The following DCAF8L2 variants were observed in gnomAD, a reference collection of about 807,000 sequenced individuals.
The protein encoded by DCAF8L2 is DDB1 and CUL4 associated factor 8 like 2, also known as DDB1- and CUL4-associated factor 8-like protein 2.
For missense variants in DCAF8L2, 430 were observed against 490.7 expected, an observed-to-expected ratio of 0.88 and a Z score of 1.17; for synonymous variants, 200 against 190.9, an observed-to-expected ratio of 1.05 and a Z score of -0.39.
At chrX:27,572,062 G>A in the DCAF8L2 span, among the ~76,000 whole-genome samples, 1 of 112,139 alleles carries the variant, frequency 8.9e-6, no homozygotes, top group African/African-American at 3.2e-5. Context: ...CACTAGTTGT[G>A]TAATTATTTT....
intron 3 of DCAF8L2, among the ~76,000 whole-genome samples, chrX:27,714,987 G>A (rs755689323): frequency 8.9e-6 from 1 of 111,769 alleles, no homozygotes; most frequent in South Asian, 3.7e-4. Flanking sequence ...TCACCTGTGT[G>A]TTGAGGACTT....
At chrX:27,663,004 A>G (rs1278028106) in intron 2 of DCAF8L2, among the ~76,000 whole-genome samples, 1 of 111,925 alleles carries the variant, frequency 8.9e-6, no homozygotes, top group Non-Finnish European at 1.9e-5. Flanking sequence ...TTCCTATTGC[A>G]TTCCTATTAT....
At chrX:27,606,249 A>G (rs1926866151) in intron 1 of DCAF8L2, among the ~76,000 whole-genome samples, 1 of 84,169 alleles carries the variant, frequency 1.2e-5, no homozygotes, top group Non-Finnish European at 2.2e-5. Flanking sequence ...ATATATAGGA[A>G]TTATATATAT....
the DCAF8L2 span, among the ~76,000 whole-genome samples, chrX:27,549,474 A>G: frequency 9.0e-6 from 1 of 111,504 alleles, no homozygotes; most frequent in Non-Finnish European, 1.9e-5. Flanking sequence ...ATGTGAGTGA[A>G]CTCTTTTTAT....
chrX:27,499,129 T>A, the DCAF8L2 span, among the ~76,000 whole-genome samples: 1 of 112,485 alleles, frequency 8.9e-6, no homozygotes, highest in South Asian at 3.7e-4. Context: ...ATATTTCTAA[T>A]TTTTTATGGA....
chrX:27,540,848 G>A, the DCAF8L2 span, among the ~76,000 whole-genome samples: 13 of 109,180 alleles, frequency 1.2e-4, no homozygotes, highest in Non-Finnish European at 1.9e-4. Context: ...TCCCCCATAT[G>A]TACAATTATT....
the DCAF8L2 span, among the ~76,000 whole-genome samples, chrX:27,537,015 C>G: frequency 8.9e-6 from 1 of 111,819 alleles, no homozygotes; most frequent in East Asian, 2.8e-4. Context: ...TTTTTAATTG[C>G]TATTTGCAAA....
the DCAF8L2 span, among the ~76,000 whole-genome samples, chrX:27,546,050 C>T: frequency 8.9e-6 from 1 of 111,849 alleles, no homozygotes; most frequent in Non-Finnish European, 1.9e-5. Flanking sequence ...GAAGGCAAGT[C>T]CCTTCTGCCT....
At chrX:27,507,209 A>G in the DCAF8L2 span, among the ~76,000 whole-genome samples, 1 of 112,125 alleles carries the variant, frequency 8.9e-6, no homozygotes, top group African/African-American at 3.2e-5. Context: ...CTAAAATAAC[A>G]GTTTCATCTC....
chrX:27,700,052 C>CA (rs1440592986), intron 3 of DCAF8L2, among the ~76,000 whole-genome samples: 4 of 110,082 alleles, frequency 3.6e-5, no homozygotes, highest in Non-Finnish European at 7.6e-5. Context: ...GAAAAGGGAA[C>CA]ATGGGGCCAA....
intron 2 of DCAF8L2, among the ~76,000 whole-genome samples, chrX:27,674,669 C>G (rs1930080460): frequency 9.0e-6 from 1 of 111,485 alleles, no homozygotes; most frequent in African/African-American, 3.3e-5. Flanking sequence ...GGCAGGGGTT[C>G]AGGAATCTGA....
chrX:27,487,541 C>T, the DCAF8L2 span, among the ~76,000 whole-genome samples: 8 of 111,862 alleles, frequency 7.2e-5, no homozygotes, highest in African/African-American at 2.6e-4. Flanking sequence ...CCTTGGCCTC[C>T]CAAAATGCTA....
chrX:27,636,223 C>CA (rs1263117308), intron 2 of DCAF8L2, among the ~76,000 whole-genome samples: 1 of 111,884 alleles, frequency 8.9e-6, no homozygotes, highest in Non-Finnish European at 1.9e-5. Context: ...TTCCTTTAGG[C>CA]ACCTGGACCT....
the DCAF8L2 span, among the ~76,000 whole-genome samples, chrX:27,533,178 GAA>G: frequency 6.8e-3 from 113 of 16,577 alleles, 4 homozygotes; most frequent in East Asian, 0.043. Flanking sequence ...AAGAAAGAAA[GAA>G]AGAAAGAAAG....
chrX:27,542,888 C>G, the DCAF8L2 span, among the ~76,000 whole-genome samples: 1 of 111,065 alleles, frequency 9.0e-6, no homozygotes, highest in African/African-American at 3.3e-5. Flanking sequence ...GATACTAGAC[C>G]TTTGTTGGAT....
chrX:27,604,367 T>C (rs1023248092), intron 1 of DCAF8L2, among the ~76,000 whole-genome samples: 1 of 111,256 alleles, frequency 9.0e-6, no homozygotes, highest in Non-Finnish European at 1.9e-5. Flanking sequence ...GAAGATTTTC[T>C]AGGTGTAAAC....
At chrX:27,699,614 G>A (rs946076192) in intron 3 of DCAF8L2, among the ~76,000 whole-genome samples, 2 of 111,645 alleles carry the variant, frequency 1.8e-5, no homozygotes, top group African/African-American at 6.5e-5. Context: ...TGTCTCAAGC[G>A]AAGTGGTAGC....
the DCAF8L2 span, among the ~76,000 whole-genome samples, chrX:27,543,119 A>G: frequency 8.9e-6 from 1 of 112,110 alleles, no homozygotes; most frequent in African/African-American, 3.2e-5. Flanking sequence ...ATAGTTTGTG[A>G]TCTTACATTT....
At chrX:27,500,375 T>C in the DCAF8L2 span, among the ~76,000 whole-genome samples, 3,165 of 111,704 alleles carry the variant, frequency 0.028, 54 homozygotes, top group Non-Finnish European at 0.036. Flanking sequence ...GTTTCATTTA[T>C]TGAGAGAAAT....
Sources: gnomAD v4.1 joint callset for allele counts (sites outside exome capture counted in the v4.1 genomes callset) on GRCh38, gnomAD v4.1.1 for gene constraint, MANE v1.5 for transcripts, NCBI Gene and HGNC (gene_info 2026-07-23, HGNC 2026-07-21) for gene names.